ODF2: variants seen among roughly 807,000 people sequenced by gnomAD.
ODF2 encodes outer dense fiber of sperm tails 2.
In ODF2, 47 loss-of-function variants were observed where a neutral mutation model predicts 110.2. The ratio of observed to expected loss-of-function variants is 0.43; its 90% CI spans 0.34 to 0.54. The LOEUF (loss-of-function observed/expected upper bound fraction) is 0.54, where lower values mean the gene tolerates loss of function less well. Ranked by LOEUF, ODF2 falls within the 20% of genes least tolerant of loss-of-function variation. ODF2 has a pLI of 0.03. For missense variants in ODF2, 812 were observed against 1,054.5 expected (o/e 0.77, Z 3.19); for synonymous variants, 352 against 397.7 (o/e 0.89, Z 1.37).
rs1182296791 is a variant in ODF2, at chr9:128,492,690, T to C, written c.1648-11T>C. Reference sequence around the variant, plus strand: ...CTACCTAAGATGAACCACAGTGTTGTTGGTCCCTAGGTGATGAAGACCAGA... The same window carrying C: ...CTACCTAAGATGAACCACAGTGTTGCTGGTCCCTAGGTGATGAAGACCAGA... On this transcript the variant is annotated splice_polypyrimidine_tract_variant and intron_variant, in intron 15 of 20. Coordinates refer to ENST00000604420, the Ensembl canonical transcript of ODF2. The C allele has an allele frequency of 3.7e-6, 6 of 1,611,098 alleles. No individual in the cohort carries two copies. Among genetic ancestry groups the C allele is most frequent in the Admixed American group, 1.7e-5 (1 of 59,984 alleles).
intron 8 of ODF2, among the ~76,000 whole-genome samples, chr9:128,478,856 G>A (rs924392650): frequency 5.9e-5 from 9 of 152,148 alleles, no homozygotes; most frequent in Non-Finnish European, 1.2e-4. Flanking sequence ...TCTGGAGTCC[G>A]AGTCGGCTCC....
chr9:128,462,062 A>T (rs1836609665), intron 4 of ODF2, among the ~76,000 whole-genome samples: 1 of 152,220 alleles, frequency 6.6e-6, no homozygotes, highest in Admixed American at 6.5e-5. Flanking sequence ...TTAAAACAAA[A>T]ACAATGAGCT....
intron 8 of ODF2, among the ~76,000 whole-genome samples, chr9:128,476,469 G>A (rs1024922494): frequency 2.0e-5 from 3 of 151,520 alleles, no homozygotes; most frequent in African/African-American, 7.3e-5. Context: ...TGTAGTTTTA[G>A]TAGAGACGGG....
In ODF2 at chr9:128,472,839, TTG is replaced by T. The variant is rs569061663; in HGVS notation, c.582-71_582-70del. ...GACCAGAGGTGAGCCCCCTAGGGCA[TTG>T]TGAGGCAAGCCTTGGATCTCTGGGC... On this transcript the variant is annotated intron_variant, in intron 6 of 20. Coordinates refer to ENST00000604420, the Ensembl canonical transcript of ODF2. The T allele has an allele frequency of 2.0e-4, 315 of 1,598,632 alleles. 1 individual carries two copies. In the East Asian group the frequency reaches 3.5e-3, roughly 18 times the overall value.
chr9:128,493,866 C>T (rs1237407256), intron 16 of ODF2, among the ~76,000 whole-genome samples: 2 of 152,156 alleles, frequency 1.3e-5, no homozygotes, highest in African/African-American at 4.8e-5. Flanking sequence ...GTGATCTCAG[C>T]TCACTGCAAC....
intron 9 of ODF2, 58 bp downstream of exon 9, chr9:128,481,709 A>T (rs1842430537): frequency 1.4e-5 from 20 of 1,385,962 alleles, no homozygotes; most frequent in Non-Finnish European, 1.8e-5. Flanking sequence ...GCGTCGTTCC[A>T]CTACAAAGTG....
intron 8 of ODF2, among the ~76,000 whole-genome samples, chr9:128,477,193 A>C (rs1234566977): frequency 3.3e-5 from 5 of 149,492 alleles, no homozygotes; most frequent in African/African-American, 1.2e-4. Flanking sequence ...AGATTGCACC[A>C]CTATACTCCA....
At chr9:128,472,698 TCCTGGTGTGGAGGC>T (rs1481425205) in intron 6 of ODF2, among the ~76,000 whole-genome samples, 1 of 152,186 alleles carries the variant, frequency 6.6e-6, no homozygotes. Flanking sequence ...AGCTAATGTC[TCCTGGTGTGGAGGC>T]CCTGGTCTGG....
Position 128,473,750 on chromosome 9 carries a change from G to C in ODF2, c.843+9G>C. On this transcript the variant is annotated intron_variant, in intron 8 of 20. Coordinates refer to ENST00000604420, the Ensembl canonical transcript of ODF2. ...AACAGCACTGCAAAGAGGTGAGCTT[G>C]GGGCCTGGCTCTTTCCCTCCAGCTC... 1 of 1,611,756 alleles carries C rather than the reference G, an allele frequency of 6.2e-7. No homozygotes were observed. Among genetic ancestry groups the C allele is most frequent in the African/African-American group, 1.3e-5 (1 of 74,718 alleles).
intron 14 of ODF2, among the ~76,000 whole-genome samples, chr9:128,490,289 T>TC: frequency 6.7e-6 from 1 of 149,506 alleles, no homozygotes; most frequent in East Asian, 1.9e-4. Flanking sequence ...CTAGTCTAAT[T>TC]TTTTTTTTTT....
intron 17 of ODF2, 76 bp from the exon 18 acceptor site, chr9:128,495,965 C>T: frequency 6.4e-7 from 1 of 1,557,946 alleles, no homozygotes; most frequent in African/African-American, 1.4e-5. Context: ...TGGGTGTGGA[C>T]AACAGGTCAT....
intron 4 of ODF2, among the ~76,000 whole-genome samples, chr9:128,465,535 G>A (rs1837624648): frequency 6.6e-6 from 1 of 152,064 alleles, no homozygotes; most frequent in Non-Finnish European, 1.5e-5. Context: ...GAGGTCAAGA[G>A]ATTGAGACCA....
chr9:128,499,155 A>G (rs774581225), intron 20 of ODF2, 29 bp downstream of exon 20: 20 of 1,613,664 alleles, frequency 1.2e-5, no homozygotes, highest in Non-Finnish European at 1.7e-5. Flanking sequence ...CCGGGCTAGG[A>G]GAGTGGGCAG....
At chr9:128,500,231 C>T (rs1422951970) in exon 21 of ODF2, 3 of 1,614,206 alleles carry the variant, frequency 1.9e-6, no homozygotes, top group Non-Finnish European at 2.5e-6. Context: ...GCTCTCCCAT[C>T]CGCTCCCGAT....
Position 128,494,602 on chromosome 9 carries a change from C to A in ODF2, c.1845C>A (p.Asp615Glu). Residue 615 changes from aspartate (D) to glutamate (E), a missense_variant, in exon 17 of 21, where the codon GAC (aspartate) becomes GAA (glutamate). Around this residue, in one of 5 missense-constraint regions of ODF2, gnomAD observed 165 missense variants for 293.4 expected, o/e 0.56. Transcript: ENST00000604420. This position sits in a 1 kb window ranked among gnomAD's most constrained non-coding sequence, Gnocchi z 4.6. ...AGGCGAAGCTGGCTGAGTGCCAAGA[C>A]CAACTGCAGGGCTATGAGCGGAAGA... The A allele has an allele frequency of 1.9e-6, 3 of 1,614,176 alleles. No homozygotes were observed. The highest frequency in any genetic ancestry group is 2.5e-6 in the Non-Finnish European group (3 of 1,180,024).
chr9:128,471,258 T>C (rs1266938929), intron 5 of ODF2, 50 bp from the exon 6 acceptor site: 2 of 1,554,320 alleles, frequency 1.3e-6, no homozygotes, highest in South Asian at 2.4e-5. Flanking sequence ...CAATGTGGCA[T>C]AGAGGAAGGA....
intron 18 of ODF2, chr9:128,497,391 TC>T (rs1845720520): frequency 8.8e-6 from 1 of 114,046 alleles, no homozygotes; most frequent in South Asian, 3.3e-4. Context: ...ATCGAGGCCA[TC>T]CTGGCTAACA....
At chr9:128,490,018 C>T (rs1397948642) in intron 14 of ODF2, among the ~76,000 whole-genome samples, 2 of 152,064 alleles carry the variant, frequency 1.3e-5, no homozygotes, top group South Asian at 4.1e-4. Flanking sequence ...GTGTAATTGT[C>T]GGATAAGTTA....
chr9:128,455,883 G>A (rs1259978996), upstream of ODF2: 4 of 1,185,054 alleles, frequency 3.4e-6, no homozygotes, highest in Non-Finnish European at 3.4e-6. Context: ...AGGATCCAAG[G>A]CAGGGGAAAC....
Sources: allele counts gnomAD v4.1 joint callset (sites outside exome capture counted in the v4.1 genomes callset), GRCh38; gene constraint gnomAD v4.1.1; regional missense constraint gnomAD v4.1.1; non-coding constraint Gnocchi (gnomAD v3.1); transcripts MANE v1.5; gene names NCBI Gene and HGNC (gene_info 2026-07-23, HGNC 2026-07-21).